ZFHX3: variants seen among roughly 807,000 people sequenced by gnomAD.
ZFHX3 encodes zinc finger homeobox 3.
Under a neutral mutation model 279.1 loss-of-function variants are expected in ZFHX3, and 42 were observed. The observed-to-expected ratio is 0.15, with a 90% CI of 0.12 to 0.19. The LOEUF is 0.19. Among genes scored for constraint, ZFHX3 ranks in the 10% least tolerant of loss-of-function variants. The probability of loss-of-function intolerance (pLI) is 1.00; values close to 1 mark genes in which losing one functional copy is unlikely to be tolerated. For missense variants in ZFHX3, 4,981 were observed against 4,754.0 expected, an observed-to-expected ratio of 1.05 and a Z score of -1.40; for synonymous variants, 2,293 against 1,957.8, an observed-to-expected ratio of 1.17 and a Z score of -4.52.
intron 1 of ZFHX3, among the ~76,000 whole-genome samples, chr16:73,840,849 C>T (rs926782341): frequency 1.5e-4 from 23 of 152,092 alleles, no homozygotes; most frequent in Admixed American, 4.6e-4. Flanking sequence ...TGTCCCTTGG[C>T]AACCATTTCA....
Position 73,099,978 on chromosome 16 carries a change from T to C in ZFHX3, c.-896-6380A>G, listed in dbSNP as rs556445958. Among the ~76,000 whole-genome samples the C allele has an allele frequency of 3.3e-5, 5 of 152,260 alleles. No individual in the cohort carries two copies. In the South Asian group the frequency reaches 1.0e-3, roughly 32 times the overall value. ...ATTGTCTTGAGGACTTGAGATGCTA[T>C]TTAAATGTTCACCATCTCACTATGG... On this transcript the variant is annotated intron_variant, in intron 7 of 17. Coordinates refer to the ZFHX3 transcript ENST00000641206.
At chr16:73,134,922 C>T (rs562474762) in intron 6 of ZFHX3, among the ~76,000 whole-genome samples, 11 of 152,206 alleles carry the variant, frequency 7.2e-5, no homozygotes, top group African/African-American at 2.6e-4. Context: ...GCAGCAACTT[C>T]AGCTCAGGTC....
intron 4 of ZFHX3, among the ~76,000 whole-genome samples, chr16:72,841,604 C>T (rs992919014): frequency 5.3e-5 from 8 of 152,144 alleles, no homozygotes; most frequent in Non-Finnish European, 7.3e-5. Flanking sequence ...CAAAATGCCA[C>T]CCCCACATCC....
At chr16:73,330,222 G>A (rs2015774048) in intron 3 of ZFHX3, among the ~76,000 whole-genome samples, 2 of 152,200 alleles carry the variant, frequency 1.3e-5, no homozygotes, top group Non-Finnish European at 2.9e-5. Context: ...AGCCCAGGTG[G>A]CCCAGGTAGT....
intron 3 of ZFHX3, among the ~76,000 whole-genome samples, chr16:72,896,120 G>A (rs1391090363): frequency 3.9e-5 from 6 of 152,132 alleles, no homozygotes; most frequent in Admixed American, 2.0e-4. Flanking sequence ...GCTGTGCAGC[G>A]GATAACAGAC....
intron 7 of ZFHX3, among the ~76,000 whole-genome samples, chr16:73,120,812 G>A (rs1472215039): frequency 2.0e-5 from 3 of 151,668 alleles, no homozygotes; most frequent in Admixed American, 6.6e-5. Context: ...GTGCTACCAC[G>A]CCCGGCGAAT....
intron 1 of ZFHX3, among the ~76,000 whole-genome samples, chr16:73,879,140 T>C (rs73607326): frequency 0.012 from 1,837 of 151,718 alleles, 30 homozygotes; most frequent in African/African-American, 0.036. Context: ...CGAGCGACCT[T>C]GGGGTCCTTT....
chr16:73,678,924 G>A (rs903486675), intron 2 of ZFHX3, among the ~76,000 whole-genome samples: 2 of 152,128 alleles, frequency 1.3e-5, no homozygotes, highest in African/African-American at 2.4e-5. Context: ...CTATGCAGAT[G>A]CGGTTCTGCT....
At chr16:73,154,189 A>G (rs1331828817) in intron 5 of ZFHX3, among the ~76,000 whole-genome samples, 1 of 152,102 alleles carries the variant, frequency 6.6e-6, no homozygotes, top group Non-Finnish European at 1.5e-5. Flanking sequence ...AGCCCCTGGG[A>G]TTTGGCATCC....
intron 5 of ZFHX3, among the ~76,000 whole-genome samples, chr16:73,217,984 C>G (rs188179704): frequency 2.0e-5 from 3 of 152,108 alleles, no homozygotes; most frequent in Non-Finnish European, 4.4e-5. Context: ...GTCCATAAGT[C>G]ATTTCTAGAG....
At chr16:73,299,489 C>T (rs1316912905) in intron 4 of ZFHX3, among the ~76,000 whole-genome samples, 3 of 152,124 alleles carry the variant, frequency 2.0e-5, no homozygotes, top group Admixed American at 6.5e-5. Context: ...ATGAGGCCAT[C>T]GCTGCCACCG....
rs527808857 is a variant in ZFHX3, at chr16:72,936,012, C to T, written c.3216+14457G>A. Among the ~76,000 whole-genome samples, 204 of 152,272 alleles carry T rather than the reference C, an allele frequency of 1.3e-3. 2 individuals carry two copies. In the Middle Eastern group the frequency reaches 0.02, roughly 15 times the overall value. On this transcript the variant is annotated intron_variant, in intron 3 of 9. Transcript: ENST00000268489. ...TTTGGGCGGACAGAGCCGAAACTCACGGGTGGCCAGCAGCACGTGGGAATT... is the reference window on the plus strand; with the variant it reads ...TTTGGGCGGACAGAGCCGAAACTCATGGGTGGCCAGCAGCACGTGGGAATT...
At chr16:72,848,934 G>A (rs2037545030) in intron 4 of ZFHX3, among the ~76,000 whole-genome samples, 1 of 151,976 alleles carries the variant, frequency 6.6e-6, no homozygotes, top group Middle Eastern at 3.2e-3. Context: ...GCGCCGGGCT[G>A]CCAGGTTATG....
At position 73,466,180 on chromosome 16, in the gene ZFHX3, G is replaced by GA. The variant is rs11361159; in HGVS notation, c.-1546-9923dup. Among the ~76,000 whole-genome samples the GA allele has an allele frequency of 2.1e-4, 32 of 150,126 alleles. No individual in the cohort carries two copies. The East Asian group carries it at 3.0e-3, about 14-fold the overall frequency. Reference sequence around the variant, plus strand: ...CAGAAATCATTCTTTTCAATCGCATGAAAAAAAAAAATGCACCTAGGCCAG... The same window carrying GA: ...CAGAAATCATTCTTTTCAATCGCATGAAAAAAAAAAAATGCACCTAGGCCAG... On this transcript the variant is annotated intron_variant, in intron 2 of 17. Coordinates refer to the ZFHX3 transcript ENST00000641206.
At chr16:73,406,364 C>T (rs1478729404) in intron 3 of ZFHX3, among the ~76,000 whole-genome samples, 1 of 152,214 alleles carries the variant, frequency 6.6e-6, no homozygotes, top group African/African-American at 2.4e-5. Flanking sequence ...GGAACCGTCA[C>T]AGAGTTACAG....
intron 2 of ZFHX3, among the ~76,000 whole-genome samples, chr16:73,486,270 T>C (rs954308382): frequency 1.3e-5 from 2 of 152,228 alleles, no homozygotes; most frequent in Non-Finnish European, 2.9e-5. Flanking sequence ...TTCATTTACA[T>C]AGGACATACA....
chr16:72,974,839 C>T (rs893425349), intron 1 of ZFHX3, among the ~76,000 whole-genome samples: 4 of 152,208 alleles, frequency 2.6e-5, no homozygotes, highest in Admixed American at 6.5e-5. Context: ...TTGGGATGTG[C>T]GTACTAAGCT....
intron 3 of ZFHX3, among the ~76,000 whole-genome samples, chr16:73,318,861 G>A (rs762399306): frequency 2.0e-5 from 3 of 152,118 alleles, no homozygotes; most frequent in Non-Finnish European, 2.9e-5. Context: ...ACTTTTCAGC[G>A]CCCCTGCATA....
At chr16:73,666,105 C>T (rs1046350086) in intron 2 of ZFHX3, among the ~76,000 whole-genome samples, 7 of 151,960 alleles carry the variant, frequency 4.6e-5, no homozygotes, top group East Asian at 1.9e-4. Flanking sequence ...CGTGAGCCAC[C>T]GCACCCAGCT....
Sources: allele counts gnomAD v4.1 joint callset (sites outside exome capture counted in the v4.1 genomes callset), GRCh38; gene constraint gnomAD v4.1.1; transcripts MANE v1.5; gene names NCBI Gene and HGNC (gene_info 2026-07-23, HGNC 2026-07-21).